Variants in NR5A2 observed in about 807,000 individuals in gnomAD.
NR5A2 encodes the protein nuclear receptor subfamily 5 group A member 2, also known as CYP7A promoter-binding factor.
NR5A2 carries 26 observed loss-of-function variants against 62.7 expected under a neutral mutation model. The observed-to-expected ratio is 0.41, with a 90% confidence interval of 0.30 to 0.58. The LOEUF (loss-of-function observed/expected upper bound fraction) is 0.58, where lower values mean the gene tolerates loss of function less well. Among genes scored for constraint, NR5A2 ranks in the 20% least tolerant of loss-of-function variants. The pLI, the probability that NR5A2 is intolerant of heterozygous loss-of-function variation, is 0.22. For missense variants in NR5A2, 541 were observed against 669.1 expected, an observed-to-expected ratio of 0.81 and a Z score of 2.11; for synonymous variants, 246 against 241.7, an observed-to-expected ratio of 1.02 and a Z score of -0.16.
At chr1:200,054,720 C>A (rs554937983) in intron 5 of NR5A2, among the ~76,000 whole-genome samples, 3 of 152,170 alleles carry the variant, frequency 2.0e-5, no homozygotes, top group African/African-American at 7.2e-5. Flanking sequence ...GAGGAGCAAA[C>A]CTTCTTTTTT....
chr1:200,126,565 C>G (rs747116521), intron 7 of NR5A2, among the ~76,000 whole-genome samples: 8 of 151,652 alleles, frequency 5.3e-5, no homozygotes, highest in Non-Finnish European at 1.0e-4. Flanking sequence ...AAAATGCAAG[C>G]ACAAAATTTG....
chr1:200,112,532 T>C (rs1390284864), intron 6 of NR5A2, among the ~76,000 whole-genome samples: 1 of 152,188 alleles, frequency 6.6e-6, no homozygotes, highest in Non-Finnish European at 1.5e-5. Context: ...TGAAGGGCTG[T>C]CTCCACATCA....
intron 2 of NR5A2, among the ~76,000 whole-genome samples, chr1:200,041,119 C>T (rs768262674): frequency 6.6e-6 from 1 of 152,184 alleles, no homozygotes; most frequent in Non-Finnish European, 1.5e-5. Context: ...CCGGCAGCTC[C>T]GGAGAGGGCC....
intron 4 of NR5A2, among the ~76,000 whole-genome samples, chr1:200,047,872 C>T (rs911251695): frequency 2.0e-5 from 3 of 152,150 alleles, no homozygotes; most frequent in Non-Finnish European, 4.4e-5. Flanking sequence ...GCCACCGCAC[C>T]ACGCCTATGT....
chr1:200,106,641 G>GA (rs1480910188), intron 5 of NR5A2, among the ~76,000 whole-genome samples: 3 of 152,122 alleles, frequency 2.0e-5, no homozygotes, highest in Admixed American at 6.5e-5. Flanking sequence ...TCCCAGAACT[G>GA]CCTAGATGCC....
intron 5 of NR5A2, among the ~76,000 whole-genome samples, chr1:200,091,375 G>C (rs1205944012): frequency 6.6e-6 from 1 of 151,996 alleles, no homozygotes; most frequent in East Asian, 1.9e-4. Context: ...CTAAAGCTCA[G>C]GGGGTTTAGT....
intron 5 of NR5A2, among the ~76,000 whole-genome samples, chr1:200,093,797 G>A (rs962829875): frequency 1.3e-5 from 2 of 152,182 alleles, no homozygotes; most frequent in Non-Finnish European, 2.9e-5. Flanking sequence ...TCTGAGGCAA[G>A]TATCTAGCCC....
At chr1:200,038,588 T>C in intron 1 of NR5A2, 4 of 650,212 alleles carry the variant, frequency 6.2e-6, no homozygotes, top group Non-Finnish European at 1.0e-5. Context: ...AGCTAAATTT[T>C]CTCCTTTCAA....
intron 5 of NR5A2, among the ~76,000 whole-genome samples, chr1:200,101,908 G>C (rs1449343018): frequency 6.6e-6 from 1 of 152,142 alleles, no homozygotes; most frequent in Non-Finnish European, 1.5e-5. Context: ...TGAGAATGTA[G>C]CTATAATTCT....
chr1:200,079,244 T>C (rs1322525778), intron 5 of NR5A2, among the ~76,000 whole-genome samples: 1 of 152,344 alleles, frequency 6.6e-6, no homozygotes, highest in East Asian at 1.9e-4. Flanking sequence ...CTTTGATCTC[T>C]GGCGATATTT....
At position 200,111,199 on chromosome 1, in the gene NR5A2, C is replaced by T. The variant is rs747665625; in HGVS notation, c.1111-3C>T. On this transcript the variant is annotated splice_polypyrimidine_tract_variant and splice_region_variant and intron_variant, in intron 5 of 7. Transcript: ENST00000367362. ...TGTTTGTTTGTTTCTATTTCTTTTG[C>T]AGGTTGATGACCAAATGAAGCTGCT... is the stretch of plus-strand genomic sequence containing the variant. 6.2e-6 allele frequency: 10 copies of T among 1,603,882 alleles called. No individual in the cohort carries two copies. Among genetic ancestry groups the T allele is most frequent in the Non-Finnish European group, 6.8e-6 (8 of 1,177,180 alleles).
chr1:200,057,310 T>C (rs1662959521), intron 5 of NR5A2, among the ~76,000 whole-genome samples: 1 of 152,042 alleles, frequency 6.6e-6, no homozygotes, highest in Admixed American at 6.6e-5. Flanking sequence ...TCTAGTTTGA[T>C]CTTTAGGACA....
intron 7 of NR5A2, among the ~76,000 whole-genome samples, chr1:200,124,626 C>A (rs559465847): frequency 7.2e-5 from 11 of 152,250 alleles, no homozygotes; most frequent in African/African-American, 2.6e-4. Flanking sequence ...TAGGGACTTA[C>A]AAAATGTTTA....
At chr1:200,116,460 C>G (rs1432869050) in intron 6 of NR5A2, among the ~76,000 whole-genome samples, 3 of 152,118 alleles carry the variant, frequency 2.0e-5, no homozygotes, top group African/African-American at 7.2e-5. Context: ...TTCTCTTAAG[C>G]CCAGTGGCTC....
chr1:200,161,372 T>C (rs1653633996), intron 7 of NR5A2, among the ~76,000 whole-genome samples: 1 of 152,222 alleles, frequency 6.6e-6, no homozygotes, highest in Admixed American at 6.5e-5. Flanking sequence ...TCATCTGATA[T>C]GCAGAAGTTG....
chr1:200,043,696 A>G (rs1662226073), intron 2 of NR5A2, 78 bp from the exon 3 acceptor site: 2 of 893,754 alleles, frequency 2.2e-6, no homozygotes, highest in Non-Finnish European at 3.4e-6. Context: ...AGCAATCACC[A>G]AAATGCTTTT....
At chr1:200,049,797 G>C (rs1017373564) in intron 5 of NR5A2, among the ~76,000 whole-genome samples, 13 of 152,162 alleles carry the variant, frequency 8.5e-5, no homozygotes, top group African/African-American at 1.7e-4. Flanking sequence ...AAATTTCTGA[G>C]AGAAGGAAAA....
At chr1:200,092,793 A>G (rs932302296) in intron 5 of NR5A2, among the ~76,000 whole-genome samples, 2 of 151,856 alleles carry the variant, frequency 1.3e-5, no homozygotes, top group Non-Finnish European at 2.9e-5. Flanking sequence ...ATGTGTGCTC[A>G]AAAGTATGGA....
At chr1:200,156,344 C>T (rs1249648244) in intron 7 of NR5A2, among the ~76,000 whole-genome samples, 4 of 152,188 alleles carry the variant, frequency 2.6e-5, no homozygotes, top group Non-Finnish European at 5.9e-5. Flanking sequence ...TTTGACTTCA[C>T]GATGCTGCAA....
Sources: gnomAD v4.1 joint callset for allele counts (sites outside exome capture counted in the v4.1 genomes callset) on GRCh38, gnomAD v4.1.1 for gene constraint, MANE v1.5 for transcripts, NCBI Gene and HGNC (gene_info 2026-07-23, HGNC 2026-07-21) for gene names.